Variants in MAOB observed in about 807,000 individuals in gnomAD.
The protein encoded by MAOB is monoamine oxidase B, also known as amine oxidase [flavin-containing] B.
MAOB carries 15 observed loss-of-function variants against 41.9 expected under a neutral mutation model. The observed-to-expected ratio is 0.36, with a 90% CI of 0.24 to 0.55. The LOEUF (loss-of-function observed/expected upper bound fraction) is 0.55. Among genes scored for constraint, MAOB ranks in the 20% least tolerant of loss-of-function variants. The probability of loss-of-function intolerance (pLI) is 0.86; values close to 1 mark genes in which losing one functional copy is unlikely to be tolerated. For synonymous variants in MAOB, 167 were observed against 144.2 expected, an observed-to-expected ratio of 1.16 and a Z score of -1.13; for missense variants, 345 against 398.7, an observed-to-expected ratio of 0.87 and a Z score of 1.15.
At chrX:43,834,838 G>C (rs775831667) in intron 3 of MAOB, among the ~76,000 whole-genome samples, 39 of 112,676 alleles carry the variant, frequency 3.5e-4, no homozygotes, top group Admixed American at 7.5e-4. Context: ...AGTAGGTTAA[G>C]ACCAAAAAGT....
intron 3 of MAOB, among the ~76,000 whole-genome samples, chrX:43,808,905 A>G (rs1364817986): frequency 2.7e-5 from 3 of 110,270 alleles, no homozygotes; most frequent in African/African-American, 9.9e-5. Flanking sequence ...TGGTTTCACC[A>G]TGTTGGCCAA....
Position 43,780,294 on chromosome X carries a change from G to C in MAOB, c.1079+48C>G, listed in dbSNP as rs191549232. The C allele has an allele frequency of 3.4e-5, 35 of 1,024,098 alleles. No individual in the cohort carries two copies. In the East Asian group the frequency reaches 1.1e-3, roughly 31 times the overall value. 84.4% of individuals were successfully genotyped at this position (1,024,098 alleles called of 1,213,427 possible). Reference sequence around the variant, plus strand: ...AGAAAAGGGAGGGAGGGATGGAGTGGGGGGGAAAGGAAGGAAGAAACGAAA... The same window carrying C: ...AGAAAAGGGAGGGAGGGATGGAGTGCGGGGGAAAGGAAGGAAGAAACGAAA... On this transcript the variant is annotated intron_variant, in intron 10 of 14. Transcript: ENST00000378069.
At chrX:43,870,393 T>A (rs1318551718) in intron 1 of MAOB, among the ~76,000 whole-genome samples, 1 of 109,814 alleles carries the variant, frequency 9.1e-6, no homozygotes, top group East Asian at 2.9e-4. Context: ...GATCAACCTC[T>A]ACCTTTCACC....
chrX:43,786,292 G>A (rs760010417), intron 8 of MAOB, among the ~76,000 whole-genome samples: 6 of 112,011 alleles, frequency 5.4e-5, no homozygotes, highest in African/African-American at 9.8e-5. Flanking sequence ...GGCAAATGTT[G>A]TATAGAAAAC....
At chrX:43,849,863 A>G (rs2035237420) in intron 1 of MAOB, among the ~76,000 whole-genome samples, 1 of 112,656 alleles carries the variant, frequency 8.9e-6, no homozygotes, top group Admixed American at 9.4e-5. Flanking sequence ...TATTTTAAAT[A>G]CAGTATAAGA....
Position 43,827,424 on chromosome X carries a change from C to T in MAOB, c.279+11444G>A, listed in dbSNP as rs763683162. On this transcript the variant is annotated intron_variant, in intron 3 of 14. Transcript: ENST00000378069. Reference sequence around the variant, plus strand: ...AGGAGGGTTGGAAGGTTGGATTTGGCTGGCACAGGGGACCAGAGTGCCTAC... The same window carrying T: ...AGGAGGGTTGGAAGGTTGGATTTGGTTGGCACAGGGGACCAGAGTGCCTAC... 2.7e-5 allele frequency among the ~76,000 whole-genome samples: 3 copies of T among 111,662 alleles called. No individual in the cohort carries two copies. In the East Asian group the frequency reaches 8.5e-4, roughly 32 times the overall value.
intron 3 of MAOB, among the ~76,000 whole-genome samples, chrX:43,827,505 A>G (rs1219112167): frequency 9.0e-6 from 1 of 111,382 alleles, no homozygotes; most frequent in Non-Finnish European, 1.9e-5. Flanking sequence ...ACATGGTGTA[A>G]CTCAAGGTTT....
At chrX:43,773,665 G>A (rs972824476) in intron 12 of MAOB, among the ~76,000 whole-genome samples, 2 of 112,117 alleles carry the variant, frequency 1.8e-5, no homozygotes, top group South Asian at 3.7e-4. Context: ...AATTATGGGC[G>A]GGGGTCTTTC....
intron 2 of MAOB, among the ~76,000 whole-genome samples, chrX:43,840,006 G>T (rs905957381): frequency 1.8e-5 from 2 of 112,046 alleles, no homozygotes; most frequent in Non-Finnish European, 3.8e-5. Context: ...CTTTTGATTG[G>T]AGTAGGAAGG....
Position 43,882,247 on chromosome X carries a change from G to T in MAOB, c.46+7C>A. 2 of 1,209,096 alleles carry T rather than the reference G, an allele frequency of 1.7e-6. No individual in the cohort carries two copies. Among genetic ancestry groups the T allele is most frequent in the East Asian group, 3.0e-5 (1 of 33,580 alleles). Reference sequence around the variant, plus strand: ...AAGAGGAAGGAGGGCGCACAGCCGCGACTAACCTGAGATGCCGCCCCCCAC... The same window carrying T: ...AAGAGGAAGGAGGGCGCACAGCCGCTACTAACCTGAGATGCCGCCCCCCAC... On this transcript the variant is annotated splice_region_variant and intron_variant, in intron 1 of 14. Coordinates refer to ENST00000378069, the MANE Select transcript of MAOB (RefSeq NM_000898.5).
chrX:43,780,492 A>G (rs767012693), intron 9 of MAOB, 97 bp from the exon 10 acceptor site: 2 of 545,847 alleles, frequency 3.7e-6, no homozygotes, highest in South Asian at 8.1e-5. Context: ...TACACAGTTA[A>G]GTCAACCAAA....
chrX:43,767,324 T>C lies in MAOB; in HGVS notation c.*142A>G. 1 of 552,824 alleles carries C rather than the reference T, an allele frequency of 1.8e-6. No individual in the cohort carries two copies. Among genetic ancestry groups the C allele is most frequent in the Admixed American group, 3.9e-5 (1 of 25,465 alleles). The allele number at this position is 552,824 out of a possible 1,213,427, so 45.6% of individuals were successfully genotyped here. ...ACGGAGAAAGAGATACCATGTATTT[T>C]ACAGTCAGAGTTGGATTTATCTTCA... On this transcript the variant is annotated 3_prime_UTR_variant, in exon 15 of 15. Transcript: ENST00000378069.
intron 3 of MAOB, among the ~76,000 whole-genome samples, chrX:43,815,145 C>A (rs775717894): frequency 4.5e-5 from 5 of 111,609 alleles, no homozygotes; most frequent in African/African-American, 9.8e-5. Flanking sequence ...CATTTCTAAC[C>A]ATCAGGACAT....
Position 43,839,020 on chromosome X carries a change from GA to G in MAOB, c.142-16del. ...ACCTTTTGGTTCTGTTTTCCCATAG[GA>G]AAAAATTAAAAAAAATTTGTAAAAA... is the stretch of plus-strand genomic sequence containing the variant. On this transcript the variant is annotated splice_polypyrimidine_tract_variant and intron_variant, in intron 2 of 14. Transcript: ENST00000378069. 9.0e-7 allele frequency: 1 copy of G among 1,116,069 alleles called. No homozygotes were observed. The highest frequency in any genetic ancestry group is 1.2e-6 in the Non-Finnish European group (1 of 842,500). 92.0% of individuals were successfully genotyped at this position (1,116,069 alleles called of 1,213,427 possible).
chrX:43,818,055 C>T (rs1469550340), intron 3 of MAOB, among the ~76,000 whole-genome samples: 1 of 111,692 alleles, frequency 9.0e-6, no homozygotes, highest in African/African-American at 3.3e-5. Flanking sequence ...CATTTGAAAC[C>T]ATGTTTAGTG....
chrX:43,815,788 C>T (rs736944), intron 3 of MAOB, among the ~76,000 whole-genome samples: 15,811 of 111,187 alleles, frequency 0.14, 893 homozygotes, highest in South Asian at 0.23. Flanking sequence ...ATAGTATATT[C>T]CCCTTTGGAA....
At chrX:43,784,240 T>A (rs1193360563) in intron 8 of MAOB, among the ~76,000 whole-genome samples, 3 of 112,804 alleles carry the variant, frequency 2.7e-5, no homozygotes, top group Non-Finnish European at 5.6e-5. Flanking sequence ...ATGTTTTTCA[T>A]GGCATTGACA....
At chrX:43,875,961 T>G (rs1310817348) in intron 1 of MAOB, among the ~76,000 whole-genome samples, 1 of 110,407 alleles carries the variant, frequency 9.1e-6, no homozygotes, top group Non-Finnish European at 1.9e-5. Context: ...ATTTATTAAT[T>G]ATTTATTTAT....
chrX:43,775,326 C>T, intron 11 of MAOB, 54 bp from the exon 12 acceptor site: 1 of 1,171,463 alleles, frequency 8.5e-7, no homozygotes, highest in Non-Finnish European at 1.1e-6. Context: ...GCTATTTAGC[C>T]TAGAATAAAT....
Sources: gnomAD v4.1 joint callset for allele counts (sites outside exome capture counted in the v4.1 genomes callset) on GRCh38, gnomAD v4.1.1 for gene constraint, MANE v1.5 for transcripts, NCBI Gene and HGNC (gene_info 2026-07-23, HGNC 2026-07-21) for gene names.